The following NBEAL1 variants were observed in gnomAD, a reference collection of about 807,000 sequenced individuals.
NBEAL1 encodes neurobeachin-like protein 1.
A neutral mutation model predicts 351.3 loss-of-function variants in NBEAL1; 273 were observed. The ratio of observed to expected loss-of-function variants is 0.78; its 90% CI spans 0.70 to 0.86. NBEAL1 has a LOEUF of 0.86. NBEAL1 is among the 40% of genes least tolerant of loss of function. NBEAL1 has a pLI of 0.00. For synonymous variants in NBEAL1, 1,050 were observed against 1,086.4 expected, an observed-to-expected ratio of 0.97 and a Z score of 0.66; for missense variants, 2,961 against 3,201.3, an observed-to-expected ratio of 0.92 and a Z score of 1.81.
chr2:203,088,987 G>A (rs1291797549), intron 10 of NBEAL1, among the ~76,000 whole-genome samples: 1 of 152,136 alleles, frequency 6.6e-6, no homozygotes, highest in Non-Finnish European at 1.5e-5. Flanking sequence ...GGCAGAGTAG[G>A]AGACAAGTTT....
At position 203,113,146 on chromosome 2, in the gene NBEAL1, A is replaced by C. The variant is rs1212404768; in HGVS notation, c.2334A>C (p.Ser778=). 41 of 1,553,506 alleles carry C rather than the reference A, an allele frequency of 2.6e-5. No homozygotes were observed. The highest frequency in any genetic ancestry group is 3.6e-5 in the Non-Finnish European group (41 of 1,147,472). ...HRTSFGGILS[S]ASWGGTIEKS... is the part of the protein sequence containing the mutation. ...CATCATTTGGTGGAATTCTGTCATC[A>C]GCCTCCTGGGGAGGAACAATTGAAA... Residue 778 remains serine, a synonymous_variant, in exon 17 of 56, where the codon TCA becomes TCC. Coordinates refer to ENST00000683969, the MANE Select transcript of NBEAL1 (RefSeq NM_001378026.1).
chr2:203,122,458 G>C (rs1375310835), intron 19 of NBEAL1, 115 bp downstream of exon 19: 3 of 635,264 alleles, frequency 4.7e-6, no homozygotes, highest in Non-Finnish European at 8.1e-6. Context: ...TCAGTTAAAG[G>C]GTTATGCAAA....
At chr2:203,169,967 C>T (rs1254359523) in intron 39 of NBEAL1, 116 bp downstream of exon 39, 4 of 657,924 alleles carry the variant, frequency 6.1e-6, no homozygotes, top group Non-Finnish European at 1.1e-5. Flanking sequence ...TCAGACTGAT[C>T]TTTTGAATTA....
At chr2:203,150,737 A>G (rs1230051110) in intron 34 of NBEAL1, among the ~76,000 whole-genome samples, 1 of 152,054 alleles carries the variant, frequency 6.6e-6, no homozygotes, top group African/African-American at 2.4e-5. Flanking sequence ...TTGCAATTAT[A>G]TTGCCTTTAT....
At chr2:203,094,939 T>C (rs1366699382) in intron 10 of NBEAL1, among the ~76,000 whole-genome samples, 2 of 152,074 alleles carry the variant, frequency 1.3e-5, no homozygotes, top group African/African-American at 4.8e-5. Context: ...CTGACCAACA[T>C]GGTGAAACCC....
intron 48 of NBEAL1, among the ~76,000 whole-genome samples, chr2:203,198,020 CT>C (rs71034228): frequency 3.4e-4 from 40 of 118,584 alleles, no homozygotes; most frequent in African/African-American, 8.7e-4. Context: ...TTTTTCTTTT[CT>C]TTTTTTTTTT....
chr2:203,159,420 G>C (rs2063886806), intron 36 of NBEAL1, among the ~76,000 whole-genome samples: 1 of 151,894 alleles, frequency 6.6e-6, no homozygotes, highest in African/African-American at 2.4e-5. Flanking sequence ...CTTTGTCTCT[G>C]TGGATTTGCC....
chr2:203,192,167 G>A (rs1460775234), intron 46 of NBEAL1, among the ~76,000 whole-genome samples: 1 of 152,134 alleles, frequency 6.6e-6, no homozygotes, highest in African/African-American at 2.4e-5. Flanking sequence ...TGAAGTCAAT[G>A]CTTTATCCCT....
Position 203,107,442 on chromosome 2 carries a change from G to C in NBEAL1, c.1292G>C (p.Gly431Ala), listed in dbSNP as rs561170349. 6.5e-7 allele frequency: 1 copy of C among 1,547,782 alleles called. No homozygotes were observed. The highest frequency in any genetic ancestry group is 1.4e-5 in the African/African-American group (1 of 73,086). The change falls in exon 13 of 56, where the codon GGT becomes GCT. Residue 431 changes from glycine to alanine, a missense_variant. By Grantham distance (60) the Gly-to-Ala change is moderately conservative (BLOSUM62 0). Coordinates refer to ENST00000683969, the MANE Select transcript of NBEAL1 (RefSeq NM_001378026.1). ...AAKEVFKERIGYTHMLEVLKS... is the reference protein window; with the variant it reads ...AAKEVFKERIAYTHMLEVLKS... ...TAGGAAGTATTTAAAGAAAGAATTG[G>C]TTATACACATATGCTTGAAGTATTA...
rs1042784462 is a variant in NBEAL1 at position 203,222,717 on chromosome 2, A to G, written c.*5363A>G. The stretch of plus-strand genomic sequence containing the variant: ...GAATTAGGCAACATTTTAAAGAAGA[A>G]AAAAACATGACTAACATGCTAAATT... On this transcript the variant is annotated 3_prime_UTR_variant, in exon 56 of 56. Coordinates refer to ENST00000683969, the MANE Select transcript of NBEAL1 (RefSeq NM_001378026.1). Among the ~76,000 whole-genome samples, 1 of 152,070 alleles carries G rather than the reference A, an allele frequency of 6.6e-6. No homozygotes were observed. Among genetic ancestry groups the G allele is most frequent in the African/African-American group, 2.4e-5 (1 of 41,456 alleles).
chr2:203,043,928 T>G (rs1446219136), intron 3 of NBEAL1, among the ~76,000 whole-genome samples: 3 of 152,128 alleles, frequency 2.0e-5, no homozygotes, highest in Non-Finnish European at 2.9e-5. Flanking sequence ...GTACCATGCA[T>G]GCAATACAAA....
chr2:203,212,948 G>A (rs2065826946), intron 54 of NBEAL1, among the ~76,000 whole-genome samples: 1 of 152,134 alleles, frequency 6.6e-6, no homozygotes. Flanking sequence ...CCCACTGAGA[G>A]TCTGAGGCTC....
chr2:203,198,842 G>A (rs2065310996), intron 48 of NBEAL1, among the ~76,000 whole-genome samples: 1 of 148,060 alleles, frequency 6.8e-6, no homozygotes, highest in Non-Finnish European at 1.5e-5. Flanking sequence ...GGGTGACAGA[G>A]CAAGACTCTA....
chr2:203,066,776 CG>C (rs2061596198), intron 6 of NBEAL1, among the ~76,000 whole-genome samples: 1 of 144,756 alleles, frequency 6.9e-6, no homozygotes, highest in Non-Finnish European at 1.5e-5. Context: ...ACTTCCCAGA[CG>C]GGGCGGCCGG....
chr2:203,112,164 A>C (rs2062588318), intron 16 of NBEAL1, 66 bp downstream of exon 16: 1 of 1,476,348 alleles, frequency 6.8e-7, no homozygotes, highest in Non-Finnish European at 9.0e-7. Context: ...GTTTTAGTTA[A>C]GGTAGAAGGT....
At chr2:203,121,570 C>T (rs1014069703) in intron 18 of NBEAL1, among the ~76,000 whole-genome samples, 3 of 149,166 alleles carry the variant, frequency 2.0e-5, no homozygotes, top group South Asian at 4.3e-4. Flanking sequence ...GAGAATTGCT[C>T]GAATCTGGGA....
chr2:203,109,975 A>G (rs565276842), intron 14 of NBEAL1, among the ~76,000 whole-genome samples, 175 bp from the exon 15 acceptor site: 3 of 152,232 alleles, frequency 2.0e-5, no homozygotes, highest in East Asian at 3.9e-4. Flanking sequence ...CTTATGACCA[A>G]AATGGATTTT....
chr2:203,033,222 G>A (rs368201215), intron 2 of NBEAL1, among the ~76,000 whole-genome samples: 3 of 151,872 alleles, frequency 2.0e-5, no homozygotes, highest in Admixed American at 1.3e-4. Flanking sequence ...GGATGGTCTC[G>A]ATCTCCTGAC....
rs530457782 is a variant in NBEAL1 at position 203,169,744 on chromosome 2, T to C, written c.5998-3T>C. On this transcript the variant is annotated splice_polypyrimidine_tract_variant and splice_region_variant and intron_variant, in intron 38 of 55. Coordinates refer to ENST00000683969, the MANE Select transcript of NBEAL1 (RefSeq NM_001378026.1). ...TTAAAGTATAAAATGCTGTTTTTTA[T>C]AGGTTAGAAACAAAATATATAGCCG... 135 of 1,564,896 alleles carry C rather than the reference T, an allele frequency of 8.6e-5. 1 individual carries two copies. In the South Asian group the frequency reaches 1.5e-3, roughly 17 times the overall value.
Sources: gnomAD v4.1 joint callset for allele counts (sites outside exome capture counted in the v4.1 genomes callset) on GRCh38, gnomAD v4.1.1 for gene constraint, MANE v1.5 for transcripts, NCBI Gene and HGNC (gene_info 2026-07-23, HGNC 2026-07-21) for gene names.